The following PIKFYVE variants were observed in gnomAD, a reference collection of about 807,000 sequenced individuals.
PIKFYVE encodes phosphoinositide kinase, FYVE-type zinc finger containing.
PIKFYVE carries 122 observed loss-of-function variants against 257.9 expected under a neutral mutation model. The ratio of observed to expected loss-of-function variants is 0.47; its 90% confidence interval spans 0.41 to 0.55. The LOEUF (loss-of-function observed/expected upper bound fraction) is 0.55. PIKFYVE is among the 20% of genes least tolerant of loss of function. PIKFYVE has a pLI of 0.00. For synonymous variants in PIKFYVE, 892 were observed against 868.9 expected (o/e 1.03, Z -0.47); for missense variants, 2,160 against 2,536.6 (o/e 0.85, Z 3.19).
chr2:208,345,154 A>G lies in PIKFYVE; in HGVS notation c.5071A>G (p.Thr1691Ala). ...RNALEELSKA[T>A]QWNSAEEGLP... is the part of the protein sequence containing the mutation. The stretch of plus-strand genomic sequence containing the variant: ...TGCCTTAGAGGAATTGTCTAAAGCG[A>G]CTCAGTGGAACAGTGCCGAAGAAGG... The change falls in exon 33 of 42, where the codon ACT (threonine) becomes GCT (alanine). Residue 1691 changes from threonine to alanine, a missense_variant. Thr to Ala is a moderately conservative substitution (Grantham distance 58, BLOSUM62 0). Coordinates refer to ENST00000264380, the MANE Select transcript of PIKFYVE (RefSeq NM_015040.4). 6.2e-7 allele frequency: 1 copy of G among 1,613,014 alleles called. No homozygotes were observed. Among genetic ancestry groups the G allele is most frequent in the Non-Finnish European group, 8.5e-7 (1 of 1,179,104 alleles).
intron 15 of PIKFYVE, among the ~76,000 whole-genome samples, chr2:208,315,871 CT>C (rs1222291436): frequency 1.4e-5 from 2 of 147,478 alleles, no homozygotes; most frequent in South Asian, 2.2e-4. Context: ...ATGTCTCTTT[CT>C]TTTTTTTTAA....
In PIKFYVE at chr2:208,324,282, A is replaced by G. The variant is rs1447638370; in HGVS notation, c.2331A>G (p.Ser777=). The part of the protein sequence containing the change: ...HGITLVINVK[S]QVLERISRMT... ...TTACTTTGGTCATTAATGTAAAGTC[A>G]GTGAGTGTTTTTAATTTTCTATTGT... The change falls in exon 18 of 42, where the codon TCA becomes TCG. Residue 777 remains serine, a splice_region_variant and synonymous_variant. Transcript: ENST00000264380. 14 of 1,613,572 alleles carry G rather than the reference A, an allele frequency of 8.7e-6. No homozygotes were observed. The highest frequency in any genetic ancestry group is 1.3e-5 in the African/African-American group (1 of 74,930).
At chr2:208,306,209 T>C (rs139986224) in intron 12 of PIKFYVE, among the ~76,000 whole-genome samples, 75 of 152,308 alleles carry the variant, frequency 4.9e-4, no homozygotes, top group African/African-American at 1.5e-3. Context: ...TTGACTAGCA[T>C]TGAACATGAG....
At chr2:208,318,011 AC>A in intron 16 of PIKFYVE, 70 bp downstream of exon 16, 1 of 1,447,980 alleles carries the variant, frequency 6.9e-7, no homozygotes, top group Non-Finnish European at 9.7e-7. Flanking sequence ...AAGTTGGGGC[AC>A]CTTAGTTATG....
chr2:208,347,905 G>A lies in PIKFYVE; in HGVS notation c.5256G>A (p.Gly1752=), dbSNP rs779742791. Residue 1752 remains glycine, a synonymous_variant, in exon 35 of 42, where the codon GGG becomes GGA. Transcript: ENST00000264380. ...TGTCCTTCTTCAGAGGGACAGCAGG[G>A]AAAAGCCCCGATCTCTCTTCCCAGA... is the stretch of plus-strand genomic sequence containing the variant. The part of the protein sequence containing the change: ...GMLSFFRGTA[G]KSPDLSSQKR... 3.7e-5 allele frequency: 60 copies of A among 1,613,812 alleles called. No homozygotes were observed. Among genetic ancestry groups the A allele is most frequent in the Non-Finnish European group, 6.8e-6 (8 of 1,179,900 alleles).
intron 21 of PIKFYVE, among the ~76,000 whole-genome samples, chr2:208,329,244 C>T (rs976187724): frequency 2.6e-5 from 4 of 152,108 alleles, no homozygotes. Context: ...ATAACTGAAA[C>T]ACTTATTTCC....
intron 24 of PIKFYVE, among the ~76,000 whole-genome samples, chr2:208,333,941 C>T (rs1268298379): frequency 6.6e-6 from 1 of 152,162 alleles, no homozygotes; most frequent in Admixed American, 6.5e-5. Context: ...TCATGTCGGG[C>T]CCTGGCCTAA....
chr2:208,335,741 AG>A, intron 25 of PIKFYVE, 51 bp from the exon 26 acceptor site: 1 of 1,349,812 alleles, frequency 7.4e-7, no homozygotes, highest in Non-Finnish European at 1.1e-6. Context: ...TATGTGAGAT[AG>A]AAAATTTGAT....
At chr2:208,273,826 T>A (rs1689744546) in intron 3 of PIKFYVE, 93 bp downstream of exon 3, 1 of 1,507,612 alleles carries the variant, frequency 6.6e-7, no homozygotes, top group Non-Finnish European at 9.2e-7. Context: ...GACTTAACTT[T>A]CCTGCTATTT....
intron 12 of PIKFYVE, among the ~76,000 whole-genome samples, chr2:208,306,839 G>A (rs891431715): frequency 2.5e-4 from 38 of 151,468 alleles, no homozygotes; most frequent in Admixed American, 1.1e-3. Flanking sequence ...GTGCAGTGGC[G>A]CGATCTTGGC....
chr2:208,274,128 G>A, intron 3 of PIKFYVE: 1 of 1,468,870 alleles, frequency 6.8e-7, no homozygotes, highest in South Asian at 1.2e-5. Flanking sequence ...CATGCCTCTG[G>A]CTGCAGAACT....
At chr2:208,313,231 T>G (rs1382779221) in intron 13 of PIKFYVE, among the ~76,000 whole-genome samples, 1 of 152,230 alleles carries the variant, frequency 6.6e-6, no homozygotes, top group Non-Finnish European at 1.5e-5. Context: ...AACAGTTATT[T>G]AGTGAACATA....
At chr2:208,343,686 A>G (rs7579320) in intron 32 of PIKFYVE, among the ~76,000 whole-genome samples, 8,498 of 152,230 alleles carry the variant, frequency 0.056, 407 homozygotes, top group African/African-American at 0.13. Context: ...AAGTGAAACT[A>G]TGGATGAGGA....
Position 208,315,305 on chromosome 2 carries a change from A to G in PIKFYVE, c.1939A>G (p.Thr647Ala). ...GTCATTGGTCTGCCAGGTTGTTCAGACAGTCCGACCTGATGTCAAGAACCA... is the reference window on the plus strand; with the variant it reads ...GTCATTGGTCTGCCAGGTTGTTCAGGCAGTCCGACCTGATGTCAAGAACCA... ...IVSLVCQVVQTVRPDVKNQDD... is the reference protein window; with the variant it reads ...IVSLVCQVVQAVRPDVKNQDD... The change falls in exon 15 of 42, where the codon ACA becomes GCA. Residue 647 changes from threonine to alanine, a missense_variant. Around this residue, in one of 12 missense-constraint regions of PIKFYVE, gnomAD observed 346 missense variants for 365.6 expected, o/e 0.95. Transcript: ENST00000264380. The G allele has an allele frequency of 1.2e-6, 2 of 1,614,166 alleles. No homozygotes were observed. The highest frequency in any genetic ancestry group is 1.7e-6 in the Non-Finnish European group (2 of 1,180,020).
chr2:208,320,274 C>G lies in PIKFYVE; in HGVS notation c.2105C>G (p.Pro702Arg). The stretch of plus-strand genomic sequence containing the variant: ...TAGATGAGTTCTTGTATTAAAAACC[C>G]CAAAATTCTTCTGTTGAAGTGTTCC... ...HKKMSSCIKN[P>R]KILLLKCSIE... The change falls in exon 17 of 42, where the codon CCC (proline) becomes CGC (arginine). Residue 702 changes from proline (P) to arginine (R), a missense_variant. Transcript: ENST00000264380. 1 of 1,611,606 alleles carries G rather than the reference C, an allele frequency of 6.2e-7. No homozygotes were observed. Among genetic ancestry groups the G allele is most frequent in the Non-Finnish European group, 8.5e-7 (1 of 1,178,596 alleles).
rs1009253539 is a variant in PIKFYVE at position 208,339,898 on chromosome 2, T to C, written c.4811-113T>C. 5.9e-5 allele frequency: 73 copies of C among 1,229,080 alleles called. No individual in the cohort carries two copies. The Admixed American group carries it at 1.5e-3, about 25-fold the overall frequency. The allele number at this position is 1,229,080 out of a possible 1,614,324, so 76.1% of individuals were successfully genotyped here. ...CTTGATCAGAAATTTTAAACTGTTA[T>C]TGGTATAGTATACATATGTCCATAT... On this transcript the variant is annotated intron_variant, in intron 30 of 41. Transcript: ENST00000264380.
In PIKFYVE at chr2:208,358,642, C is replaced by A. The variant is rs1700300223; in HGVS notation, c.*3337C>A. Reference sequence around the variant, plus strand: ...ATATATTTCTCTACTTTGGTTCTAGCTATTTTATATGATTGACATGTTATT... The same window carrying A: ...ATATATTTCTCTACTTTGGTTCTAGATATTTTATATGATTGACATGTTATT... On this transcript the variant is annotated 3_prime_UTR_variant, in exon 42 of 42. Transcript: ENST00000264380. The A allele has an allele frequency of 6.6e-6, 1 of 152,520 alleles. No individual in the cohort carries two copies. The highest frequency in any genetic ancestry group is 1.5e-5 in the Non-Finnish European group (1 of 68,018). The allele number at this position is 152,520 out of a possible 1,614,324, so 9.4% of individuals were successfully genotyped here.
chr2:208,283,442 G>C (rs1174815414), intron 5 of PIKFYVE, among the ~76,000 whole-genome samples: 1 of 152,132 alleles, frequency 6.6e-6, no homozygotes, highest in Non-Finnish European at 1.5e-5. Flanking sequence ...ATTAGGCTTG[G>C]CTCTGTTTAT....
At chr2:208,289,403 CTCATTTTTTCT>C (rs1691998875) in intron 7 of PIKFYVE, among the ~76,000 whole-genome samples, 1 of 150,676 alleles carries the variant, frequency 6.6e-6, no homozygotes, top group Non-Finnish European at 1.5e-5. Flanking sequence ...CCTTTGCTTT[CTCATTTTTTCT>C]TTTTTTAATT....
Sources: gnomAD v4.1 joint callset for allele counts (sites outside exome capture counted in the v4.1 genomes callset) on GRCh38, gnomAD v4.1.1 for gene constraint, gnomAD v4.1.1 regional missense constraint, MANE v1.5 for transcripts, NCBI Gene and HGNC (gene_info 2026-07-23, HGNC 2026-07-21) for gene names.